The following COL19A1 variants were observed in gnomAD, a reference collection of about 807,000 sequenced individuals.
The protein encoded by COL19A1 is collagen alpha-1(XIX) chain.
Under a neutral mutation model 190.2 loss-of-function variants are expected in COL19A1, and 159 were observed. That is an observed-to-expected ratio of 0.84 (90% CI 0.73 to 0.95). The LOEUF (loss-of-function observed/expected upper bound fraction) is 0.95. Ranked by LOEUF, COL19A1 falls within the 40% of genes least tolerant of loss-of-function variation. COL19A1 has a pLI of 0.00. For missense variants in COL19A1, 1,418 were observed against 1,431.9 expected, an observed-to-expected ratio of 0.99 and a Z score of 0.16; for synonymous variants, 509 against 458.9, an observed-to-expected ratio of 1.11 and a Z score of -1.39.
chr6:70,151,342 T>C (rs1787045183), intron 30 of COL19A1, 55 bp from the exon 31 acceptor site: 2 of 1,525,804 alleles, frequency 1.3e-6, no homozygotes, highest in Admixed American at 1.7e-5. Context: ...TATGTTTATA[T>C]TGTATTGTGT....
In COL19A1 at chr6:69,936,812, A is replaced by G; in HGVS notation, c.775A>G (p.Ile259Val). 1 of 1,613,104 alleles carries G rather than the reference A, an allele frequency of 6.2e-7. No homozygotes were observed. Among genetic ancestry groups the G allele is most frequent in the Non-Finnish European group, 8.5e-7 (1 of 1,179,264 alleles). ...KCPEQDGFGN[I>V]ASSWVTAHAS... ...CCCAGAGCAGGATGGCTTTGGAAAT[A>G]TTGCATCATCATGGGTAACTGCTCA... The change falls in exon 8 of 51, where the codon ATT (isoleucine) becomes GTT (valine). Residue 259 changes from isoleucine to valine, a missense_variant. Coordinates refer to ENST00000620364, the MANE Select transcript of COL19A1 (RefSeq NM_001858.6).
intron 11 of COL19A1, among the ~76,000 whole-genome samples, chr6:70,001,100 T>C (rs1203899719): frequency 8.5e-5 from 13 of 152,330 alleles, no homozygotes; most frequent in Admixed American, 2.0e-4. Flanking sequence ...TAGCCAGTTT[T>C]CCCAGCATCA....
At chr6:70,064,640 G>T (rs12198937) in intron 14 of COL19A1, among the ~76,000 whole-genome samples, 48,270 of 151,912 alleles carry the variant, frequency 0.32, 9,707 homozygotes, top group Non-Finnish European at 0.44. Flanking sequence ...GAAATAAAGG[G>T]TATTCAATTA....
chr6:70,100,256 T>C (rs1249418852), intron 15 of COL19A1, among the ~76,000 whole-genome samples: 1 of 152,200 alleles, frequency 6.6e-6, no homozygotes, highest in Non-Finnish European at 1.5e-5. Flanking sequence ...TAAATTACAG[T>C]GTTTCCACTT....
chr6:70,137,230 G>A (rs950669163), intron 18 of COL19A1, among the ~76,000 whole-genome samples: 5 of 151,996 alleles, frequency 3.3e-5, no homozygotes, highest in African/African-American at 9.7e-5. Flanking sequence ...TGAGAGACTC[G>A]TTTTGCTTCA....
At chr6:69,966,883 T>A (rs1775145177) in intron 11 of COL19A1, among the ~76,000 whole-genome samples, 1 of 151,876 alleles carries the variant, frequency 6.6e-6, no homozygotes, top group South Asian at 2.1e-4. Flanking sequence ...CTTGTGAAGG[T>A]AGAAATATTA....
intron 11 of COL19A1, among the ~76,000 whole-genome samples, chr6:69,981,218 A>G (rs1776015241): frequency 6.6e-6 from 1 of 152,158 alleles, no homozygotes; most frequent in Non-Finnish European, 1.5e-5. Flanking sequence ...GTGGAATATA[A>G]TGGTGTTTTG....
chr6:69,987,452 A>G (rs1389020243), intron 11 of COL19A1, among the ~76,000 whole-genome samples: 2 of 152,218 alleles, frequency 1.3e-5, no homozygotes, highest in African/African-American at 4.8e-5. Context: ...TTGGCTACTG[A>G]GAAGGATCAA....
chr6:69,958,808 A>T (rs1562035255), intron 9 of COL19A1, among the ~76,000 whole-genome samples: 1 of 152,212 alleles, frequency 6.6e-6, no homozygotes, highest in Admixed American at 6.5e-5. Context: ...TTAATGAAAT[A>T]ATGAAAAATT....
At chr6:69,953,626 C>T (rs1340628240) in intron 9 of COL19A1, among the ~76,000 whole-genome samples, 1 of 151,914 alleles carries the variant, frequency 6.6e-6, no homozygotes, top group African/African-American at 2.4e-5. Flanking sequence ...TTTCTTATTC[C>T]CTTCTAATGC....
chr6:70,066,651 G>T (rs923859528), intron 14 of COL19A1, among the ~76,000 whole-genome samples: 23 of 151,770 alleles, frequency 1.5e-4, no homozygotes, highest in South Asian at 8.3e-4. Context: ...AATTAAAAAT[G>T]AATATATACA....
intron 17 of COL19A1, among the ~76,000 whole-genome samples, chr6:70,129,154 C>T (rs756918793): frequency 3.3e-5 from 5 of 152,188 alleles, no homozygotes; most frequent in Non-Finnish European, 7.3e-5. Context: ...AACATTAAGG[C>T]TGTCTTGGTC....
At chr6:70,184,808 A>C in intron 45 of COL19A1, 63 bp from the exon 46 acceptor site, 1 of 1,605,998 alleles carries the variant, frequency 6.2e-7, no homozygotes, top group Non-Finnish European at 8.5e-7. Flanking sequence ...CAACATTTAC[A>C]TCAATCAGAC....
intron 8 of COL19A1, 113 bp downstream of exon 8, chr6:69,937,023 T>A (rs775714633): frequency 5.0e-6 from 7 of 1,400,742 alleles, no homozygotes; most frequent in Non-Finnish European, 6.8e-6. Context: ...TTTGTTGAAG[T>A]AAATACCTCA....
chr6:69,921,301 ATAT>A (rs1278798544), intron 4 of COL19A1, among the ~76,000 whole-genome samples: 4 of 131,928 alleles, frequency 3.0e-5, no homozygotes, highest in Admixed American at 8.8e-5. Context: ...CATATATATC[ATAT>A]ATCATATATC....
chr6:70,134,537 T>C (rs896996535), intron 18 of COL19A1, among the ~76,000 whole-genome samples: 1 of 152,206 alleles, frequency 6.6e-6, no homozygotes, highest in African/African-American at 2.4e-5. Context: ...ATAGGTGGTA[T>C]GTAGACATAG....
Position 70,210,626 on chromosome 6 carries a change from A to G in COL19A1, c.*3352A>G, listed in dbSNP as rs1236928439. On this transcript the variant is annotated 3_prime_UTR_variant, in exon 51 of 51. Transcript: ENST00000620364. ...GTTAGGTAAGATTTAGCCTTTCTGC[A>G]GTCTGTCTCATCTGTTGGGAACCTG... 1.3e-5 allele frequency among the ~76,000 whole-genome samples: 2 copies of G among 152,156 alleles called. No homozygotes were observed. Among genetic ancestry groups the G allele is most frequent in the African/African-American group, 4.8e-5 (2 of 41,448 alleles).
intron 9 of COL19A1, among the ~76,000 whole-genome samples, chr6:69,939,999 G>A (rs1410676766): frequency 6.6e-6 from 1 of 151,406 alleles, no homozygotes; most frequent in African/African-American, 2.4e-5. Flanking sequence ...TGATTTATCA[G>A]TTCCTTCATA....
At chr6:70,089,383 G>C (rs1481927329) in intron 15 of COL19A1, among the ~76,000 whole-genome samples, 1 of 152,002 alleles carries the variant, frequency 6.6e-6, no homozygotes, top group Non-Finnish European at 1.5e-5. Flanking sequence ...TTGTAGCTTT[G>C]ATTCTATATT....
Sources: gnomAD v4.1 joint callset for allele counts (sites outside exome capture counted in the v4.1 genomes callset) on GRCh38, gnomAD v4.1.1 for gene constraint, MANE v1.5 for transcripts, NCBI Gene and HGNC (gene_info 2026-07-23, HGNC 2026-07-21) for gene names.